The following EHBP1 variants were observed in gnomAD, a reference collection of about 807,000 sequenced individuals.
The protein encoded by EHBP1 is EH domain binding protein 1.
EHBP1 carries 55 observed loss-of-function variants against 144.0 expected under a neutral mutation model. The observed-to-expected ratio is 0.38, with a 90% CI of 0.31 to 0.48. The LOEUF (loss-of-function observed/expected upper bound fraction) is 0.48. Ranked by LOEUF, EHBP1 falls within the 20% of genes least tolerant of loss-of-function variation. The pLI is 0.98. For synonymous variants in EHBP1, 469 were observed against 472.7 expected, an observed-to-expected ratio of 0.99 and a Z score of 0.10; for missense variants, 1,200 against 1,364.2, an observed-to-expected ratio of 0.88 and a Z score of 1.90.
chr2:62,814,703 T>C (rs1312251142), intron 5 of EHBP1, among the ~76,000 whole-genome samples: 1 of 152,202 alleles, frequency 6.6e-6, no homozygotes, highest in African/African-American at 2.4e-5. Context: ...AAGGCATAGC[T>C]TCTAAACAGA....
At chr2:62,685,647 T>C (rs1450236487) in intron 1 of EHBP1, among the ~76,000 whole-genome samples, 1 of 152,242 alleles carries the variant, frequency 6.6e-6, no homozygotes, top group Non-Finnish European at 1.5e-5. Context: ...CTTTGATATA[T>C]GAATTTGATG....
At position 62,952,214 on chromosome 2, in the gene EHBP1, G is replaced by T. The variant is rs28702662; in HGVS notation, c.2316+3052G>T. ...AAAGGTTTTTATTGACACTGGATTGGCAAAAGTAATGTCTAACAATAAACA... is the reference window on the plus strand; with the variant it reads ...AAAGGTTTTTATTGACACTGGATTGTCAAAAGTAATGTCTAACAATAAACA... On this transcript the variant is annotated intron_variant, in intron 13 of 22. Transcript: ENST00000431489. Among the ~76,000 whole-genome samples, 107 of 152,246 alleles carry T rather than the reference G, an allele frequency of 7.0e-4. No homozygotes were observed. In the Middle Eastern group the frequency reaches 0.01, roughly 15 times the overall value.
At chr2:62,935,132 A>C (rs911987906) in intron 10 of EHBP1, among the ~76,000 whole-genome samples, 7 of 152,058 alleles carry the variant, frequency 4.6e-5, no homozygotes, top group African/African-American at 1.7e-4. Context: ...GATGGAGACC[A>C]TCCTGGCCAA....
At chr2:63,029,585 A>C (rs2061142479) in intron 19 of EHBP1, among the ~76,000 whole-genome samples, 1 of 151,900 alleles carries the variant, frequency 6.6e-6, no homozygotes, top group Non-Finnish European at 1.5e-5. Context: ...TAAGTACTTT[A>C]TGTGGATTTT....
chr2:62,827,802 G>A (rs1358169075), intron 6 of EHBP1, among the ~76,000 whole-genome samples: 1 of 151,928 alleles, frequency 6.6e-6, no homozygotes, highest in Non-Finnish European at 1.5e-5. Context: ...CGAGTAGCTG[G>A]GATTACAGGT....
chr2:62,822,591 G>C (rs2046060593), intron 5 of EHBP1, among the ~76,000 whole-genome samples: 1 of 152,154 alleles, frequency 6.6e-6, no homozygotes, highest in South Asian at 2.1e-4. Flanking sequence ...GAGAATTGTT[G>C]AGTTGTTAAG....
At chr2:63,008,421 T>A (rs867937538) in intron 19 of EHBP1, among the ~76,000 whole-genome samples, 9 of 151,672 alleles carry the variant, frequency 5.9e-5, no homozygotes, top group Non-Finnish European at 1.0e-4. Context: ...TTCATTTTTT[T>A]AATTTCTTTC....
intron 19 of EHBP1, 103 bp downstream of exon 19, chr2:62,996,869 A>G (rs1338219093): frequency 6.6e-7 from 1 of 1,506,796 alleles, no homozygotes. Context: ...AATGTTCAGC[A>G]AAACTGCCTT....
At chr2:62,869,184 C>T (rs2050268974) in intron 9 of EHBP1, among the ~76,000 whole-genome samples, 1 of 152,088 alleles carries the variant, frequency 6.6e-6, no homozygotes, top group Non-Finnish European at 1.5e-5. Flanking sequence ...ACCGGAACTC[C>T]ACAGAACTCT....
chr2:62,854,942 A>G (rs1458858034), intron 7 of EHBP1, among the ~76,000 whole-genome samples: 1 of 152,040 alleles, frequency 6.6e-6, no homozygotes, highest in African/African-American at 2.4e-5. Context: ...AGACCCAGGT[A>G]CCCCTCTATT....
chr2:62,713,513 G>C (rs1260557428), intron 2 of EHBP1, among the ~76,000 whole-genome samples: 1 of 152,030 alleles, frequency 6.6e-6, no homozygotes, highest in Non-Finnish European at 1.5e-5. Context: ...CAAAGTACTG[G>C]GATTACAGGT....
chr2:62,767,908 A>G (rs1356984421), intron 4 of EHBP1, among the ~76,000 whole-genome samples: 1 of 151,854 alleles, frequency 6.6e-6, no homozygotes. Context: ...ATTAAACATC[A>G]TGCTCTGGAA....
At chr2:62,781,271 A>G (rs951640609) in intron 5 of EHBP1, among the ~76,000 whole-genome samples, 1 of 152,224 alleles carries the variant, frequency 6.6e-6, no homozygotes, top group African/African-American at 2.4e-5. Context: ...AGTTTTTACA[A>G]TCCTTTTTCT....
At chr2:63,041,573 AATC>A (rs1281853489) in intron 21 of EHBP1, among the ~76,000 whole-genome samples, 1 of 152,180 alleles carries the variant, frequency 6.6e-6, no homozygotes, top group Admixed American at 6.5e-5. Context: ...TTATATTTAA[AATC>A]AATATGTAAT....
In EHBP1 at chr2:62,869,734, A is replaced by G. The variant is rs982158449; in HGVS notation, c.999-4612A>G. On this transcript the variant is annotated intron_variant, in intron 9 of 22. Transcript: ENST00000431489. ...TGCTGATGGTTTCACACTTGCATGC[A>G]TGCATAAAAAATACTCATTAAATAT... Among the ~76,000 whole-genome samples, 3 of 152,248 alleles carry G rather than the reference A, an allele frequency of 2.0e-5. No homozygotes were observed. The East Asian group carries it at 5.8e-4, about 29-fold the overall frequency.
intron 3 of EHBP1, among the ~76,000 whole-genome samples, chr2:62,748,564 A>G (rs1450456404): frequency 1.3e-5 from 2 of 151,984 alleles, no homozygotes; most frequent in Non-Finnish European, 2.9e-5. Context: ...AGAGGTTGAG[A>G]TGAGAGGATT....
chr2:62,773,607 G>T (rs2041830360), intron 5 of EHBP1, among the ~76,000 whole-genome samples: 1 of 151,988 alleles, frequency 6.6e-6, no homozygotes, highest in Non-Finnish European at 1.5e-5. Context: ...CCAGCACTTT[G>T]AGAGGCCAAG....
chr2:62,993,766 T>C (rs1467456998), intron 17 of EHBP1, 98 bp downstream of exon 17: 2 of 784,614 alleles, frequency 2.5e-6, no homozygotes, highest in Non-Finnish European at 3.5e-6. Context: ...ATAGCATATA[T>C]ATATAGTATA....
At chr2:62,836,453 A>C (rs1248833573) in intron 7 of EHBP1, among the ~76,000 whole-genome samples, 3 of 141,214 alleles carry the variant, frequency 2.1e-5, no homozygotes, top group Admixed American at 1.4e-4. Flanking sequence ...CTCCAAAGGA[A>C]CGCAGTTCCT....
Sources: gnomAD v4.1 joint callset for allele counts (sites outside exome capture counted in the v4.1 genomes callset) on GRCh38, gnomAD v4.1.1 for gene constraint, MANE v1.5 for transcripts, NCBI Gene and HGNC (gene_info 2026-07-23, HGNC 2026-07-21) for gene names.